Variants in AUTS2 observed in about 807,000 individuals in gnomAD.
The protein encoded by AUTS2 is activator of transcription and developmental regulator AUTS2, also known as autism susceptibility gene 2 protein.
AUTS2 carries 17 observed loss-of-function variants against 112.4 expected under a neutral mutation model. That is an observed-to-expected ratio of 0.15 (90% CI 0.10 to 0.23). The LOEUF is 0.23. AUTS2 is among the 10% of genes least tolerant of loss of function. The pLI is 1.00. For synonymous variants in AUTS2, 751 were observed against 702.7 expected, an observed-to-expected ratio of 1.07 and a Z score of -1.09; for missense variants, 1,510 against 1,701.6, an observed-to-expected ratio of 0.89 and a Z score of 1.98.
At chr7:70,322,820 G>A (rs377362601) in intron 4 of AUTS2, among the ~76,000 whole-genome samples, 76 of 152,284 alleles carry the variant, frequency 5.0e-4, no homozygotes, top group African/African-American at 1.6e-3. Context: ...CAATTCATTC[G>A]TGGGAGATAG....
At chr7:69,780,595 T>C (rs1040280552) in intron 1 of AUTS2, among the ~76,000 whole-genome samples, 2 of 152,238 alleles carry the variant, frequency 1.3e-5, no homozygotes, top group Non-Finnish European at 2.9e-5. Flanking sequence ...CACAGGTGAC[T>C]GGTCACTGTG....
intron 4 of AUTS2, among the ~76,000 whole-genome samples, chr7:70,324,444 A>G (rs1167780062): frequency 6.6e-6 from 1 of 152,158 alleles, no homozygotes; most frequent in Non-Finnish European, 1.5e-5. Flanking sequence ...CAACATAGCA[A>G]GACCCTATCT....
intron 1 of AUTS2, among the ~76,000 whole-genome samples, chr7:69,708,641 G>A (rs1034859251): frequency 1.3e-5 from 2 of 152,160 alleles, no homozygotes; most frequent in South Asian, 2.1e-4. Flanking sequence ...AAATAAATTA[G>A]GTCAGAGTTA....
chr7:69,747,818 T>C (rs1019271014), intron 1 of AUTS2, among the ~76,000 whole-genome samples: 5 of 150,106 alleles, frequency 3.3e-5, no homozygotes, highest in Non-Finnish European at 7.4e-5. Context: ...TGTGTGTGTA[T>C]GAGAGAGAGA....
chr7:70,322,216 T>G (rs1163364932), intron 4 of AUTS2, among the ~76,000 whole-genome samples: 1 of 152,208 alleles, frequency 6.6e-6, no homozygotes, highest in African/African-American at 2.4e-5. Flanking sequence ...TTTTATAAAT[T>G]AAAATACATT....
At chr7:70,434,300 C>A (rs1047898506) in intron 4 of AUTS2, among the ~76,000 whole-genome samples, 3 of 152,154 alleles carry the variant, frequency 2.0e-5, no homozygotes, top group Admixed American at 2.0e-4. Flanking sequence ...AAATACCTGG[C>A]ATTTTTAACC....
At position 70,787,435 on chromosome 7, in the gene AUTS2, C is replaced by T. The variant is rs774990776; in HGVS notation, c.2531+4C>T. ...TTAGTAAAGATGACAAAGAAAGGTA[C>T]GGAAAGAAACCGCTCTCGAGTCCCC... On this transcript the variant is annotated splice_donor_region_variant and intron_variant, in intron 18 of 18. Transcript: ENST00000342771. 24 of 1,601,188 alleles carry T rather than the reference C, an allele frequency of 1.5e-5. No homozygotes were observed. The highest frequency in any genetic ancestry group is 1.7e-4 in the Middle Eastern group (1 of 6,034).
intron 2 of AUTS2, among the ~76,000 whole-genome samples, chr7:70,019,517 A>G (rs1800181436): frequency 6.6e-6 from 1 of 151,990 alleles, no homozygotes; most frequent in Admixed American, 6.5e-5. Context: ...GTGTAGGTCC[A>G]TTTAATTTGT....
At chr7:69,970,143 G>A (rs1340554995) in intron 2 of AUTS2, among the ~76,000 whole-genome samples, 1 of 152,058 alleles carries the variant, frequency 6.6e-6, no homozygotes, top group Non-Finnish European at 1.5e-5. Context: ...TTTATGAGTT[G>A]TCTCTTTCTT....
intron 5 of AUTS2, among the ~76,000 whole-genome samples, chr7:70,667,558 C>G (rs778513368): frequency 6.6e-6 from 1 of 152,152 alleles, no homozygotes; most frequent in Non-Finnish European, 1.5e-5. Flanking sequence ...CACACACTTG[C>G]GTTTAAAACT....
chr7:70,156,509 C>A (rs1441328094), intron 4 of AUTS2, among the ~76,000 whole-genome samples: 1 of 152,074 alleles, frequency 6.6e-6, no homozygotes, highest in African/African-American at 2.4e-5. Context: ...CGAGTTAATC[C>A]TTTGGACTTT....
chr7:69,819,972 C>T (rs1790914423), intron 1 of AUTS2, among the ~76,000 whole-genome samples: 1 of 152,130 alleles, frequency 6.6e-6, no homozygotes, highest in African/African-American at 2.4e-5. Context: ...GTGTATAGGA[C>T]CTATATTTAT....
At chr7:69,986,140 T>G (rs1352962190) in intron 2 of AUTS2, among the ~76,000 whole-genome samples, 1 of 152,190 alleles carries the variant, frequency 6.6e-6, no homozygotes, top group African/African-American at 2.4e-5. Flanking sequence ...AAATTACCCC[T>G]TTGTAAATGT....
intron 5 of AUTS2, among the ~76,000 whole-genome samples, chr7:70,577,306 A>G (rs1040653292): frequency 6.6e-6 from 1 of 152,174 alleles, no homozygotes; most frequent in Admixed American, 6.5e-5. Context: ...TCTGTTATAA[A>G]TAAGTGGTTA....
Position 69,791,327 on chromosome 7 carries a change from G to A in AUTS2, c.310-107959G>A, listed in dbSNP as rs145982630. Among the ~76,000 whole-genome samples, 524 of 152,276 alleles carry A rather than the reference G, an allele frequency of 3.4e-3. 5 individuals are homozygous for A. The highest frequency in any genetic ancestry group is 0.012 in the African/African-American group (484 of 41,542). On this transcript the variant is annotated intron_variant, in intron 1 of 18. Transcript: ENST00000342771. ...GAGCAACATGGGTAATGATTACAGC[G>A]ACAATGCTGCTATTGTGTCCAGAGG...
chr7:69,630,570 A>C (rs553513580), intron 1 of AUTS2, among the ~76,000 whole-genome samples: 281 of 152,310 alleles, frequency 1.8e-3, no homozygotes, highest in African/African-American at 6.6e-3. Flanking sequence ...CAGGATTGTA[A>C]AGTCTGGTAT....
chr7:70,266,043 A>G (rs1314801065), intron 4 of AUTS2, among the ~76,000 whole-genome samples: 11 of 152,234 alleles, frequency 7.2e-5, no homozygotes, highest in Non-Finnish European at 1.6e-4. Flanking sequence ...TTCTACTCCT[A>G]GCTATATACC....
intron 5 of AUTS2, among the ~76,000 whole-genome samples, chr7:70,594,302 G>T (rs113131883): frequency 1.1e-3 from 165 of 152,274 alleles, no homozygotes; most frequent in African/African-American, 3.8e-3. Context: ...AATCCCCTGG[G>T]GTTGGGGGGC....
At chr7:70,645,809 A>G (rs1336424629) in intron 5 of AUTS2, among the ~76,000 whole-genome samples, 1 of 152,222 alleles carries the variant, frequency 6.6e-6, no homozygotes, top group East Asian at 1.9e-4. Context: ...AGTTACAGCA[A>G]TTAAGAACTC....
Sources: gnomAD v4.1 joint callset for allele counts (sites outside exome capture counted in the v4.1 genomes callset) on GRCh38, gnomAD v4.1.1 for gene constraint, MANE v1.5 for transcripts, NCBI Gene and HGNC (gene_info 2026-07-23, HGNC 2026-07-21) for gene names.